LRP1B: variants seen among roughly 807,000 people sequenced by gnomAD.
The protein encoded by LRP1B is low-density lipoprotein receptor-related protein 1B.
A neutral mutation model predicts 556.6 loss-of-function variants in LRP1B; 217 were observed. That is an observed-to-expected ratio of 0.39 (90% CI 0.35 to 0.44). The LOEUF (loss-of-function observed/expected upper bound fraction) is 0.44. LRP1B is among the 20% of genes least tolerant of loss of function. The pLI is 1.00. For synonymous variants in LRP1B, 2,047 were observed against 1,865.8 expected, an observed-to-expected ratio of 1.10 and a Z score of -2.50; for missense variants, 5,053 against 5,620.8, an observed-to-expected ratio of 0.90 and a Z score of 3.23.
chr2:141,734,456 TAGAGAG>T (rs1047388331), intron 2 of LRP1B, among the ~76,000 whole-genome samples: 41 of 151,286 alleles, frequency 2.7e-4, no homozygotes, highest in African/African-American at 9.4e-4. Context: ...CAGGGAGAGA[TAGAGAG>T]AGAGAGTGAG....
intron 31 of LRP1B, among the ~76,000 whole-genome samples, chr2:140,834,944 C>T (rs1269129610): frequency 6.6e-6 from 1 of 152,022 alleles, no homozygotes. Context: ...TTAAAATAAG[C>T]ATATCTGGGA....
rs1247641787 is a variant in LRP1B, at chr2:141,795,899, T to TATATATATATATATAA, written c.205+14379_205+14380insTTATATATATATATAT. ...ATATATATATATATATATATATATA[T>TATATATATATATATAA]AATCTTTAAGCAAAATTTAACATGA... On this transcript the variant is annotated intron_variant, in intron 2 of 90. Transcript: ENST00000389484. 4.9e-4 allele frequency among the ~76,000 whole-genome samples: 38 copies of TATATATATATATATAA among 77,000 alleles called. 2 individuals are homozygous for TATATATATATATATAA. The highest frequency in any genetic ancestry group is 2.4e-3 in the East Asian group (4 of 1,690). The allele number at this position is 77,000 out of a possible 152,430, so 50.5% of individuals were successfully genotyped here.
Position 141,269,873 on chromosome 2 carries a change from A to T in LRP1B, c.344-15232T>A, listed in dbSNP as rs777082113. Among the ~76,000 whole-genome samples, 3 of 152,286 alleles carry T rather than the reference A, an allele frequency of 2.0e-5. No individual in the cohort carries two copies. The South Asian group carries it at 6.2e-4, about 32-fold the overall frequency. ...CAAATCAGCTATTATAAATACATTT[A>T]AAAAACTTTTGAAAACATGCTTAAA... On this transcript the variant is annotated intron_variant, in intron 3 of 90. Transcript: ENST00000389484.
intron 66 of LRP1B, among the ~76,000 whole-genome samples, chr2:140,401,103 A>C (rs906989218): frequency 6.6e-6 from 1 of 152,100 alleles, no homozygotes; most frequent in Non-Finnish European, 1.5e-5. Flanking sequence ...TGGTAATGTA[A>C]CCTTGGGTGG....
chr2:141,607,704 T>C (rs1224618554), intron 2 of LRP1B, among the ~76,000 whole-genome samples: 1 of 151,176 alleles, frequency 6.6e-6, no homozygotes, highest in Non-Finnish European at 1.5e-5. Flanking sequence ...GGATTGATTG[T>C]TTGAGTTCAG....
chr2:140,757,677 T>TA (rs1331278060), intron 35 of LRP1B, among the ~76,000 whole-genome samples: 4 of 152,082 alleles, frequency 2.6e-5, no homozygotes, highest in Admixed American at 2.0e-4. Flanking sequence ...GGCCAGGAGT[T>TA]AGAGACGAGC....
chr2:141,366,050 A>G (rs993903646), intron 3 of LRP1B, among the ~76,000 whole-genome samples: 2 of 152,198 alleles, frequency 1.3e-5, no homozygotes, highest in African/African-American at 4.8e-5. Flanking sequence ...CATTATTTTA[A>G]GTTGATGAAT....
intron 7 of LRP1B, among the ~76,000 whole-genome samples, chr2:141,107,357 C>G (rs1457554290): frequency 1.3e-5 from 2 of 152,054 alleles, no homozygotes; most frequent in Non-Finnish European, 2.9e-5. Context: ...ACTTGGAAGA[C>G]TATATTTAGG....
At chr2:142,104,551 A>C (rs1706681487) in intron 1 of LRP1B, among the ~76,000 whole-genome samples, 1 of 152,120 alleles carries the variant, frequency 6.6e-6, no homozygotes, top group Admixed American at 6.6e-5. Flanking sequence ...TGTTTATATA[A>C]GATGGAGATA....
chr2:142,026,476 A>G (rs1434298077), intron 1 of LRP1B, among the ~76,000 whole-genome samples: 1 of 152,134 alleles, frequency 6.6e-6, no homozygotes, highest in Non-Finnish European at 1.5e-5. Flanking sequence ...CCAAATCGTC[A>G]TTTCTTATGA....
At chr2:141,407,835 A>G (rs943729838) in intron 3 of LRP1B, among the ~76,000 whole-genome samples, 4 of 152,290 alleles carry the variant, frequency 2.6e-5, no homozygotes, top group African/African-American at 9.6e-5. Flanking sequence ...ACAACCTAAT[A>G]TATAAACACT....
intron 25 of LRP1B, among the ~76,000 whole-genome samples, chr2:140,880,408 G>A (rs1057350686): frequency 2.6e-5 from 4 of 152,040 alleles, no homozygotes; most frequent in African/African-American, 9.7e-5. Context: ...AAAATGGAAT[G>A]AAAGAAAAAT....
At chr2:141,834,450 C>T (rs527601566) in intron 1 of LRP1B, among the ~76,000 whole-genome samples, 27 of 151,868 alleles carry the variant, frequency 1.8e-4, no homozygotes, top group Non-Finnish European at 2.5e-4. Context: ...CCAGATAAAG[C>T]AGTAAAAAAA....
At chr2:141,665,014 G>T (rs1029962194) in intron 2 of LRP1B, among the ~76,000 whole-genome samples, 4 of 151,980 alleles carry the variant, frequency 2.6e-5, no homozygotes, top group African/African-American at 9.7e-5. Flanking sequence ...AGACATATAA[G>T]CCAATGGAAC....
chr2:141,289,860 C>G (rs1167686128), intron 3 of LRP1B, among the ~76,000 whole-genome samples: 1 of 152,186 alleles, frequency 6.6e-6, no homozygotes, highest in Non-Finnish European at 1.5e-5. Flanking sequence ...TTTCTTCCTA[C>G]TTCTACCTTA....
intron 15 of LRP1B, among the ~76,000 whole-genome samples, chr2:140,997,584 T>C (rs1019943347): frequency 6.6e-6 from 1 of 151,970 alleles, no homozygotes; most frequent in African/African-American, 2.4e-5. Flanking sequence ...TGCTTTGCTG[T>C]CAACTGCATC....
At chr2:140,604,935 T>C (rs553601787) in intron 41 of LRP1B, among the ~76,000 whole-genome samples, 7 of 152,244 alleles carry the variant, frequency 4.6e-5, no homozygotes, top group African/African-American at 1.7e-4. Flanking sequence ...GTTCTTTCAC[T>C]CTCCACCATG....
At chr2:140,264,608 C>T (rs1348387641) in intron 86 of LRP1B, among the ~76,000 whole-genome samples, 1 of 151,850 alleles carries the variant, frequency 6.6e-6, no homozygotes, top group Non-Finnish European at 1.5e-5. Context: ...AGTCCCATTC[C>T]AAGATACTGG....
chr2:141,793,692 T>C (rs990738753), intron 2 of LRP1B, among the ~76,000 whole-genome samples: 7 of 151,962 alleles, frequency 4.6e-5, no homozygotes, highest in African/African-American at 1.7e-4. Context: ...AAAATATCGC[T>C]ATTGATATTA....
Sources: gnomAD v4.1 joint callset for allele counts (sites outside exome capture counted in the v4.1 genomes callset) on GRCh38, gnomAD v4.1.1 for gene constraint, MANE v1.5 for transcripts, NCBI Gene and HGNC (gene_info 2026-07-23, HGNC 2026-07-21) for gene names.